The following ZBTB20 variants were observed in gnomAD, a reference collection of about 807,000 sequenced individuals.
ZBTB20 encodes zinc finger and BTB domain containing 20.
A neutral mutation model predicts 56.9 loss-of-function variants in ZBTB20; 9 were observed. The ratio of observed to expected loss-of-function variants is 0.16; its 90% confidence interval spans 0.10 to 0.28. The LOEUF (loss-of-function observed/expected upper bound fraction) is 0.28, where lower values mean the gene tolerates loss of function less well. ZBTB20 is among the 10% of genes least tolerant of loss of function. The probability of loss-of-function intolerance (pLI) is 1.00; values close to 1 mark genes in which losing one functional copy is unlikely to be tolerated. For synonymous variants in ZBTB20, 417 were observed against 420.7 expected, an observed-to-expected ratio of 0.99 and a Z score of 0.11; for missense variants, 655 against 1,003.0, an observed-to-expected ratio of 0.65 and a Z score of 4.69.
Position 115,043,577 on chromosome 3 carries a change from G to GAAATAAAATAAAATAAAATA in ZBTB20, c.-507+27622_-507+27641dup, listed in dbSNP as rs143409903. 4.9e-3 allele frequency among the ~76,000 whole-genome samples: 664 copies of GAAATAAAATAAAATAAAATA among 135,584 alleles called. 4 individuals carry two copies. Among genetic ancestry groups the GAAATAAAATAAAATAAAATA allele is most frequent in the South Asian group, 0.017 (72 of 4,188 alleles). The allele number at this position is 135,584 out of a possible 152,430, so 88.9% of individuals were successfully genotyped here. ...CTCAGCAAGACTCTGGTCTCAAAAA[G>GAAATAAAATAAAATAAAATA]AAATAAAATAAAATAAAATAAAATA... On this transcript the variant is annotated intron_variant, in intron 2 of 11. Transcript: ENST00000675478.
At chr3:115,113,791 T>G (rs1000846757) in intron 1 of ZBTB20, among the ~76,000 whole-genome samples, 2 of 152,202 alleles carry the variant, frequency 1.3e-5, no homozygotes, top group East Asian at 3.8e-4. Flanking sequence ...GGCAGCATAA[T>G]ACTTATAGGC....
chr3:114,995,749 T>C (rs1240193392), intron 2 of ZBTB20, among the ~76,000 whole-genome samples: 1 of 151,864 alleles, frequency 6.6e-6, no homozygotes, highest in African/African-American at 2.4e-5. Flanking sequence ...CTCTGGTCTA[T>C]TGCAAGAAAT....
At chr3:114,647,174 G>A (rs2059892349) in intron 6 of ZBTB20, among the ~76,000 whole-genome samples, 1 of 152,042 alleles carries the variant, frequency 6.6e-6, no homozygotes, top group South Asian at 2.1e-4. Flanking sequence ...TAACCAGGAT[G>A]GTCTCGATCT....
chr3:114,745,621 A>G (rs561872704), intron 5 of ZBTB20, among the ~76,000 whole-genome samples: 37 of 152,288 alleles, frequency 2.4e-4, no homozygotes, highest in Non-Finnish European at 4.3e-4. Context: ...GCAGGACTGG[A>G]CTTGCACATC....
At chr3:115,046,286 A>G (rs2081330152) in intron 2 of ZBTB20, among the ~76,000 whole-genome samples, 1 of 152,196 alleles carries the variant, frequency 6.6e-6, no homozygotes, top group Non-Finnish European at 1.5e-5. Flanking sequence ...AGATGGAGAA[A>G]AAAGGATTCT....
intron 4 of ZBTB20, among the ~76,000 whole-genome samples, chr3:114,895,240 C>T (rs1357057936): frequency 1.3e-5 from 2 of 152,180 alleles, no homozygotes; most frequent in African/African-American, 2.4e-5. Context: ...GATTTATGCA[C>T]TGACAACTAT....
intron 8 of ZBTB20, among the ~76,000 whole-genome samples, chr3:114,384,275 A>C (rs2084806803): frequency 6.6e-6 from 1 of 152,096 alleles, no homozygotes; most frequent in Non-Finnish European, 1.5e-5. Flanking sequence ...AGCCAACAAC[A>C]ACAAAGAAAG....
chr3:114,507,092 T>A (rs763381454), intron 6 of ZBTB20, among the ~76,000 whole-genome samples: 3 of 152,180 alleles, frequency 2.0e-5, no homozygotes, highest in Admixed American at 6.5e-5. Context: ...TTAATTTTAG[T>A]GCATTTTAGG....
intron 1 of ZBTB20, among the ~76,000 whole-genome samples, chr3:115,075,130 A>G (rs182454215): frequency 6.7e-6 from 1 of 149,716 alleles, no homozygotes; most frequent in African/African-American, 2.5e-5. Flanking sequence ...AACACTTAAA[A>G]TGAGATCTAC....
At position 114,914,882 on chromosome 3, in the gene ZBTB20, G is replaced by C. The variant is rs184861121; in HGVS notation, c.-455-14540C>G. Among the ~76,000 whole-genome samples, 607 of 151,726 alleles carry C rather than the reference G, an allele frequency of 4.0e-3. 3 individuals carry two copies. Among genetic ancestry groups the C allele is most frequent in the Non-Finnish European group, 7.1e-3 (480 of 67,778 alleles). On this transcript the variant is annotated intron_variant, in intron 3 of 11. Coordinates refer to ENST00000675478, the MANE Select transcript of ZBTB20 (RefSeq NM_001348800.3). ...TATGTGGTATTATATTGATTGATTT[G>C]CATGTGTTGAATAATCATTGAGGCC... is the stretch of plus-strand genomic sequence containing the variant.
intron 7 of ZBTB20, among the ~76,000 whole-genome samples, chr3:114,486,148 G>GGGC (rs2042129049): frequency 1.1e-5 from 1 of 92,082 alleles, no homozygotes; most frequent in Non-Finnish European, 2.4e-5. Context: ...GGGGGGGGGG[G>GGGC]GCGGTGTATG....
chr3:114,366,606 A>G (rs1448424348), intron 10 of ZBTB20: 1 of 152,216 alleles, frequency 6.6e-6, no homozygotes, highest in African/African-American at 2.4e-5. Flanking sequence ...ACTTGTGTAC[A>G]GTCTAGTTTG....
chr3:114,441,556 A>G (rs1270077999), intron 7 of ZBTB20, among the ~76,000 whole-genome samples: 3 of 152,090 alleles, frequency 2.0e-5, no homozygotes, highest in African/African-American at 7.2e-5. Context: ...CTGTCATCCC[A>G]TCAAGCACCT....
chr3:114,364,560 C>G (rs1354485250), intron 10 of ZBTB20, among the ~76,000 whole-genome samples: 1 of 152,192 alleles, frequency 6.6e-6, no homozygotes, highest in Non-Finnish European at 1.5e-5. Context: ...GTCTTACTAG[C>G]TGAGCTTAAC....
At chr3:114,463,150 C>A (rs182024610) in intron 7 of ZBTB20, among the ~76,000 whole-genome samples, 1 of 152,282 alleles carries the variant, frequency 6.6e-6, no homozygotes, top group African/African-American at 2.4e-5. Flanking sequence ...ATAATATGTG[C>A]CTTACCAATC....
In ZBTB20 at chr3:114,732,610, T is replaced by C. The variant is rs1458387543; in HGVS notation, c.-342-39035A>G. On this transcript the variant is annotated intron_variant, in intron 5 of 11. Coordinates refer to ENST00000675478, the MANE Select transcript of ZBTB20 (RefSeq NM_001348800.3). ...CCTATTCATTCTGGGTGACTTCCTT[T>C]GCCAAAGATTCAAGACAGCTTTGTA... is the stretch of plus-strand genomic sequence containing the variant. 2.6e-5 allele frequency among the ~76,000 whole-genome samples: 4 copies of C among 152,176 alleles called. No individual in the cohort carries two copies. The East Asian group carries it at 7.7e-4, about 29-fold the overall frequency.
chr3:114,634,899 C>A (rs1578085442), intron 6 of ZBTB20, among the ~76,000 whole-genome samples: 1 of 152,298 alleles, frequency 6.6e-6, no homozygotes, highest in Non-Finnish European at 1.5e-5. Context: ...ACCTGTAGAA[C>A]TTCGTTCCCA....
intron 4 of ZBTB20, among the ~76,000 whole-genome samples, chr3:114,816,940 A>C (rs1196221114): frequency 6.6e-6 from 1 of 152,176 alleles, no homozygotes; most frequent in Non-Finnish European, 1.5e-5. Context: ...ACATTTGTCT[A>C]TCCAGTGTAG....
chr3:114,352,858 C>T (rs2080821525), intron 10 of ZBTB20, among the ~76,000 whole-genome samples: 1 of 152,122 alleles, frequency 6.6e-6, no homozygotes, highest in South Asian at 2.1e-4. Context: ...ATATGATCTC[C>T]TTGGGTAATA....
Sources: gnomAD v4.1 joint callset for allele counts (sites outside exome capture counted in the v4.1 genomes callset) on GRCh38, gnomAD v4.1.1 for gene constraint, MANE v1.5 for transcripts, NCBI Gene and HGNC (gene_info 2026-07-23, HGNC 2026-07-21) for gene names.